PHACTR1: variants seen among roughly 807,000 people sequenced by gnomAD.
The protein encoded by PHACTR1 is phosphatase and actin regulator 1.
In PHACTR1, 16 loss-of-function variants were observed where a neutral mutation model predicts 69.2. The observed-to-expected ratio is 0.23, with a 90% CI of 0.16 to 0.35. The LOEUF (loss-of-function observed/expected upper bound fraction) is 0.35. Ranked by LOEUF, PHACTR1 falls within the 10% of genes least tolerant of loss-of-function variation. The pLI is 1.00. For synonymous variants in PHACTR1, 312 were observed against 284.5 expected, an observed-to-expected ratio of 1.10 and a Z score of -0.97; for missense variants, 510 against 734.7, an observed-to-expected ratio of 0.69 and a Z score of 3.54.
Position 13,245,603 on chromosome 6 carries a change from G to A in PHACTR1, c.1391+15410G>A, listed in dbSNP as rs143494123. ...TGCAAATATTTTCTCCCATTCTGTA[G>A]CTTGTCTGTTTACTCTGTTGACAGT... On this transcript the variant is annotated intron_variant, in intron 10 of 14. Transcript: ENST00000332995. This position sits in a 1 kb window ranked among gnomAD's most constrained non-coding sequence, Gnocchi z 4.1. Among the ~76,000 whole-genome samples the A allele has an allele frequency of 7.2e-3, 1,094 of 152,238 alleles. 14 individuals are homozygous for A. The highest frequency in any genetic ancestry group is 0.025 in the African/African-American group (1,041 of 41,548).
At position 13,200,913 on chromosome 6, in the gene PHACTR1, T is replaced by A. The variant is rs181958538; in HGVS notation, c.665-4902T>A. 1.8e-3 allele frequency among the ~76,000 whole-genome samples: 272 copies of A among 147,912 alleles called. 1 individual carries two copies. Among genetic ancestry groups the A allele is most frequent in the African/African-American group, 5.9e-3 (237 of 39,984 alleles). ...AGCTGAGGTTACACCATTGCACTCT[T>A]GCCTGGGCAACAAGAGCGAAACTCT... On this transcript the variant is annotated intron_variant, in intron 7 of 14. Coordinates refer to ENST00000332995, the MANE Select transcript of PHACTR1 (RefSeq NM_030948.6).
chr6:13,031,408 C>T (rs941172998), intron 4 of PHACTR1, among the ~76,000 whole-genome samples: 1 of 152,186 alleles, frequency 6.6e-6, no homozygotes, highest in Non-Finnish European at 1.5e-5. Context: ...AGTTGATGTA[C>T]TTCATACTGG....
intron 4 of PHACTR1, among the ~76,000 whole-genome samples, chr6:12,963,427 A>G (rs1460815204): frequency 6.6e-6 from 1 of 151,814 alleles, no homozygotes. Context: ...GAAATCATTC[A>G]GGCAAGACAT....
chr6:13,156,013 A>T (rs1230117246), intron 5 of PHACTR1, among the ~76,000 whole-genome samples: 3 of 152,310 alleles, frequency 2.0e-5, no homozygotes. Context: ...TTCTGTTTTT[A>T]GAGCCTTTTT....
At chr6:13,171,009 G>C (rs567708088) in intron 6 of PHACTR1, among the ~76,000 whole-genome samples, 1 of 152,096 alleles carries the variant, frequency 6.6e-6, no homozygotes, top group Admixed American at 6.5e-5. Context: ...ACATAATCCC[G>C]TTTGGGCTTA....
chr6:13,116,409 T>C (rs1561851907), intron 5 of PHACTR1, among the ~76,000 whole-genome samples: 1 of 152,254 alleles, frequency 6.6e-6, no homozygotes, highest in Non-Finnish European at 1.5e-5. Flanking sequence ...GTGTACCTTA[T>C]ATTGTCTTTT....
chr6:13,196,421 T>TTTTTTTTTTGTTTTTTTTTG (rs372423998), intron 7 of PHACTR1: 69 of 86,430 alleles, frequency 8.0e-4, no homozygotes, highest in African/African-American at 1.9e-3. Context: ...GTTTTCTTTC[T>TTTTTTTTTTGTTTTTTTTTG]TTTTTTTTTT....
chr6:12,936,231 A>G lies in PHACTR1; in HGVS notation c.251-117134A>G, dbSNP rs575375261. Among the ~76,000 whole-genome samples the G allele has an allele frequency of 3.3e-5, 5 of 152,302 alleles. No homozygotes were observed. In the East Asian group the frequency reaches 9.6e-4, roughly 29 times the overall value. On this transcript the variant is annotated intron_variant, in intron 4 of 14. Coordinates refer to ENST00000332995, the MANE Select transcript of PHACTR1 (RefSeq NM_030948.6). ...TAGTCTAAAGTAATTTTCCACAGCT[A>G]GAATTTCTTTATTCAGAATCAAACA...
intron 4 of PHACTR1, among the ~76,000 whole-genome samples, chr6:12,779,618 T>G (rs116617880): frequency 0.016 from 2,490 of 152,354 alleles, 27 homozygotes; most frequent in Non-Finnish European, 0.024. Context: ...TCTTCCCATT[T>G]TAACCCATTT....
intron 4 of PHACTR1, among the ~76,000 whole-genome samples, chr6:12,787,389 GACA>G (rs1457278954): frequency 6.6e-6 from 1 of 152,178 alleles, no homozygotes; most frequent in Non-Finnish European, 1.5e-5. Context: ...CATAGAAAAA[GACA>G]ACAATATCTT....
chr6:12,891,207 AT>A, intron 4 of PHACTR1, among the ~76,000 whole-genome samples: 1 of 152,298 alleles, frequency 6.6e-6, no homozygotes, highest in South Asian at 2.1e-4. Flanking sequence ...ACCATTTTTA[AT>A]ATGATCATGT....
chr6:12,784,740 G>T (rs1341695670), intron 4 of PHACTR1, among the ~76,000 whole-genome samples: 1 of 151,244 alleles, frequency 6.6e-6, no homozygotes, highest in East Asian at 1.9e-4. Flanking sequence ...TATTTTTTGA[G>T]TTTCGCTCTT....
At chr6:13,072,032 CTA>C in intron 5 of PHACTR1, among the ~76,000 whole-genome samples, 1 of 152,200 alleles carries the variant, frequency 6.6e-6, no homozygotes, top group Non-Finnish European at 1.5e-5. Flanking sequence ...GCACAAAACT[CTA>C]TTTCATCTGT....
intron 4 of PHACTR1, among the ~76,000 whole-genome samples, chr6:12,874,585 G>T (rs1280519986): frequency 1.3e-5 from 2 of 151,876 alleles, no homozygotes; most frequent in Non-Finnish European, 2.9e-5. Flanking sequence ...GCTACATAAG[G>T]CTCCCACAAG....
chr6:13,067,504 A>G (rs933963372), intron 5 of PHACTR1, among the ~76,000 whole-genome samples: 4 of 152,340 alleles, frequency 2.6e-5, no homozygotes, highest in Middle Eastern at 6.8e-3. Flanking sequence ...CTGACACTGG[A>G]AGCCATGATA....
At chr6:13,088,989 C>A (rs1812770307) in intron 5 of PHACTR1, among the ~76,000 whole-genome samples, 1 of 152,150 alleles carries the variant, frequency 6.6e-6, no homozygotes, top group African/African-American at 2.4e-5. Context: ...GAAAACAGAG[C>A]AATTTATTTT....
At chr6:12,936,490 T>C (rs1267395208) in intron 4 of PHACTR1, among the ~76,000 whole-genome samples, 1 of 151,962 alleles carries the variant, frequency 6.6e-6, no homozygotes, top group Admixed American at 6.5e-5. Context: ...TATATGGCGT[T>C]GTTTGCAGAT....
intron 5 of PHACTR1, among the ~76,000 whole-genome samples, chr6:13,124,262 A>C (rs968692468): frequency 1.3e-5 from 2 of 152,220 alleles, no homozygotes. Context: ...CACAGAGCAC[A>C]GCTTCCCATA....
chr6:13,190,109 C>A (rs1245101495), intron 7 of PHACTR1, among the ~76,000 whole-genome samples: 2 of 150,562 alleles, frequency 1.3e-5, no homozygotes, highest in African/African-American at 4.9e-5. Flanking sequence ...CTGCAACCTC[C>A]ACCTCCTGGG....
Sources: allele counts gnomAD v4.1 joint callset (sites outside exome capture counted in the v4.1 genomes callset), GRCh38; gene constraint gnomAD v4.1.1; non-coding constraint Gnocchi (gnomAD v3.1); transcripts MANE v1.5; gene names NCBI Gene and HGNC (gene_info 2026-07-23, HGNC 2026-07-21).